Variants in PROC observed in about 807,000 individuals in gnomAD.
PROC encodes vitamin K-dependent protein C.
In PROC, 22 loss-of-function variants were observed where a neutral mutation model predicts 36.3. That is an observed-to-expected ratio of 0.61 (90% CI 0.43 to 0.86). The LOEUF is 0.86. Among genes scored for constraint, PROC ranks in the 40% least tolerant of loss-of-function variants. PROC has a pLI of 0.00. For synonymous variants in PROC, 218 were observed against 244.5 expected (o/e 0.89, Z 1.01); for missense variants, 526 against 629.7 (o/e 0.84, Z 1.76).
chr2:127,419,963 C>T lies in PROC; in HGVS notation c.21C>T (p.Leu7=). 1 of 1,613,916 alleles carries T rather than the reference C, an allele frequency of 6.2e-7. No individual in the cohort carries two copies. Among genetic ancestry groups the T allele is most frequent in the Non-Finnish European group, 8.5e-7 (1 of 1,180,010 alleles). MWQLTS[L]LLFVATWGIS... ...CCAGAATGTGGCAGCTCACAAGCCT[C>T]CTGCTGTTCGTGGCCACCTGGGGAA... The change falls in exon 2 of 9, where the codon CTC becomes CTT. Residue 7 remains leucine, a synonymous_variant. Coordinates refer to ENST00000234071, the MANE Select transcript of PROC (RefSeq NM_000312.4).
At chr2:127,422,847 C>T in intron 3 of PROC, 70 bp from the exon 4 acceptor site, 1 of 1,540,258 alleles carries the variant, frequency 6.5e-7, no homozygotes, top group African/African-American at 1.4e-5. Context: ...ACCCGCTGCC[C>T]TGCCCCACCC....
At chr2:127,421,990 G>A (rs1688123804) in intron 3 of PROC, among the ~76,000 whole-genome samples, 1 of 152,236 alleles carries the variant, frequency 6.6e-6, no homozygotes, top group Admixed American at 6.5e-5. Context: ...GCCCTAGGTA[G>A]TAGGGTGAGC....
At position 127,426,795 on chromosome 2, in the gene PROC, A is replaced by G. The variant is rs1031310924; in HGVS notation, c.679-310A>G. Among the ~76,000 whole-genome samples, 1 of 152,198 alleles carries G rather than the reference A, an allele frequency of 6.6e-6. No homozygotes were observed. Among genetic ancestry groups the G allele is most frequent in the Non-Finnish European group, 1.5e-5 (1 of 68,022 alleles). The stretch of plus-strand genomic sequence containing the variant: ...ACATCCAGGCAGCCTGGGGGCCACA[A>G]AGTCTTCCTGGAAGACACAAGGCCT... On this transcript the variant is annotated intron_variant, in intron 7 of 8. Transcript: ENST00000234071. The surrounding 1 kb of genome is among the most constrained non-coding windows in gnomAD (Gnocchi z 7.0).
rs368397770 is a variant in PROC at position 127,418,689 on chromosome 2, C to A, written c.-22+197C>A. Among the ~76,000 whole-genome samples the A allele has an allele frequency of 2.0e-5, 3 of 152,194 alleles. No homozygotes were observed. The highest frequency in any genetic ancestry group is 7.2e-5 in the African/African-American group (3 of 41,442). Reference sequence around the variant, plus strand: ...CTCAGGTCCCTTTGCCATGCGCCTCCCTCTTTCCAGGCCAAGGGTCCCCAG... The same window carrying A: ...CTCAGGTCCCTTTGCCATGCGCCTCACTCTTTCCAGGCCAAGGGTCCCCAG... On this transcript the variant is annotated intron_variant, in intron 1 of 8. Transcript: ENST00000234071. The surrounding 1 kb of genome is among the most constrained non-coding windows in gnomAD (Gnocchi z 4.8).
At position 127,426,857 on chromosome 2, in the gene PROC, G is replaced by C. The variant is rs980648106; in HGVS notation, c.679-248G>C. On this transcript the variant is annotated intron_variant, in intron 7 of 8. Transcript: ENST00000234071. The surrounding 1 kb of genome is among the most constrained non-coding windows in gnomAD (Gnocchi z 7.0). ...TAAGGATGAGAGGAGCTCGCTGGGC[G>C]ATGTTGGGTGTGGCTGAGGGTGACT... Among the ~76,000 whole-genome samples, 1 of 152,212 alleles carries C rather than the reference G, an allele frequency of 6.6e-6. No individual in the cohort carries two copies. The highest frequency in any genetic ancestry group is 6.5e-5 in the Admixed American group (1 of 15,280).
rs1688500967 is a variant in PROC at position 127,426,386 on chromosome 2, A to C, written c.678+159A>C. The C allele has an allele frequency of 9.0e-7, 1 of 1,113,440 alleles. No homozygotes were observed. Among genetic ancestry groups the C allele is most frequent in the South Asian group, 1.4e-5 (1 of 69,102 alleles). 69.0% of individuals were successfully genotyped at this position (1,113,440 alleles called of 1,614,324 possible). ...GGATGCTTCAGGGAAAGATGGACGC[A>C]ACCTGAGGGGAGAGGAGCAGCCAGG... On this transcript the variant is annotated intron_variant, in intron 7 of 8. Coordinates refer to ENST00000234071, the MANE Select transcript of PROC (RefSeq NM_000312.4). The surrounding 1 kb of genome is among the most constrained non-coding windows in gnomAD (Gnocchi z 7.0).
At chr2:127,425,243 C>T (rs1488949654) in intron 6 of PROC, among the ~76,000 whole-genome samples, 1 of 152,256 alleles carries the variant, frequency 6.6e-6, no homozygotes, top group Non-Finnish European at 1.5e-5. Context: ...GCTTTCCAGT[C>T]TGCCAAGTCA....
At chr2:127,421,583 G>A (rs1043984126) in intron 3 of PROC, 134 bp downstream of exon 3, 24 of 1,020,470 alleles carry the variant, frequency 2.4e-5, no homozygotes, top group Non-Finnish European at 3.6e-5. Flanking sequence ...GAGCGATTAG[G>A]ATGCTGGCCC....
At chr2:127,420,215 C>A (rs1470277807) in intron 2 of PROC, among the ~76,000 whole-genome samples, 3 of 152,216 alleles carry the variant, frequency 2.0e-5, no homozygotes, top group Non-Finnish European at 4.4e-5. Flanking sequence ...GGCAGGCATG[C>A]GTGATGGCAG....
chr2:127,419,782 G>T, intron 1 of PROC, 140 bp from the exon 2 acceptor site: 3 of 1,523,348 alleles, frequency 2.0e-6, no homozygotes, highest in East Asian at 2.5e-5. Context: ...TATGTCTCTA[G>T]CGAACAAGGA....
chr2:127,419,651 A>G, intron 1 of PROC: 1 of 602,858 alleles, frequency 1.7e-6, no homozygotes, highest in Admixed American at 3.2e-5. Flanking sequence ...CAGCCACCCC[A>G]CTGTCCCCAG....
intron 6 of PROC, chr2:127,423,762 G>A (rs929673123): frequency 9.9e-6 from 3 of 303,222 alleles, no homozygotes; most frequent in African/African-American, 6.5e-5. Flanking sequence ...CCTCCTCCAT[G>A]TAGCCTGGCT....
chr2:127,427,676 C>A (rs993195625), intron 8 of PROC, among the ~76,000 whole-genome samples: 2 of 152,204 alleles, frequency 1.3e-5, no homozygotes, highest in Admixed American at 6.5e-5. Flanking sequence ...AGGCTGGGGG[C>A]ACCTATGCAT....
At position 127,423,207 on chromosome 2, in the gene PROC, G is replaced by A. The variant is rs1387637487; in HGVS notation, c.400+36G>A. On this transcript the variant is annotated intron_variant, in intron 5 of 8. Coordinates refer to ENST00000234071, the MANE Select transcript of PROC (RefSeq NM_000312.4). ...GAGGTGGATGCTGGCGGGCGGCGGG[G>A]CGGGGCTGGGGCCGGGTTGGGGGCG... is the stretch of plus-strand genomic sequence containing the variant. 3 of 1,517,752 alleles carry A rather than the reference G, an allele frequency of 2.0e-6. No individual in the cohort carries two copies. In the Admixed American group the frequency reaches 6.4e-5, roughly 32 times the overall value. The allele number at this position is 1,517,752 out of a possible 1,614,324, so 94.0% of individuals were successfully genotyped here.
intron 1 of PROC, among the ~76,000 whole-genome samples, chr2:127,419,534 G>A (rs932679951): frequency 6.6e-6 from 1 of 152,196 alleles, no homozygotes; most frequent in South Asian, 2.1e-4. Flanking sequence ...GTGCAGTCTG[G>A]CTTCATGGCC....
intron 7 of PROC, 55 bp from the exon 8 acceptor site, chr2:127,427,050 G>T (rs1199952362): frequency 2.7e-6 from 4 of 1,477,352 alleles, no homozygotes; most frequent in Middle Eastern, 1.7e-4. Flanking sequence ...AGGTGCCCTG[G>T]ACTGGAGGCT....
chr2:127,425,760 G>A (rs1688451822), intron 6 of PROC, among the ~76,000 whole-genome samples: 1 of 147,664 alleles, frequency 6.8e-6, no homozygotes, highest in Non-Finnish European at 1.5e-5. Flanking sequence ...TTTGTAATTT[G>A]TATCTCAGGG....
chr2:127,429,062 G>A lies in PROC; in HGVS notation c.*116G>A. ...TTCCATCCCTCTTTTGGGCTCTTCTGGAGGGAAGTAACATTTACTGAGCAC... is the reference window on the plus strand; with the variant it reads ...TTCCATCCCTCTTTTGGGCTCTTCTAGAGGGAAGTAACATTTACTGAGCAC... On this transcript the variant is annotated 3_prime_UTR_variant, in exon 9 of 9. Transcript: ENST00000234071. 1 of 1,188,862 alleles carries A rather than the reference G, an allele frequency of 8.4e-7. No individual in the cohort carries two copies. The highest frequency in any genetic ancestry group is 1.3e-5 in the South Asian group (1 of 77,848). 73.6% of individuals were successfully genotyped at this position (1,188,862 alleles called of 1,614,324 possible).
Position 127,428,347 on chromosome 2 carries a change from T to G in PROC, c.797-10T>G. ...CGCAGCCCACTCTGACTGTGCCCTC[T>G]GCCCTGCAGGAGAGTATGACCTGCG... is the stretch of plus-strand genomic sequence containing the variant. On this transcript the variant is annotated splice_polypyrimidine_tract_variant and intron_variant, in intron 8 of 8. Coordinates refer to ENST00000234071, the MANE Select transcript of PROC (RefSeq NM_000312.4). 6.2e-7 allele frequency: 1 copy of G among 1,613,484 alleles called. No individual in the cohort carries two copies. Among genetic ancestry groups the G allele is most frequent in the Non-Finnish European group, 8.5e-7 (1 of 1,179,856 alleles).
Sources: allele counts gnomAD v4.1 joint callset (sites outside exome capture counted in the v4.1 genomes callset), GRCh38; gene constraint gnomAD v4.1.1; non-coding constraint Gnocchi (gnomAD v3.1); transcripts MANE v1.5; gene names NCBI Gene and HGNC (gene_info 2026-07-23, HGNC 2026-07-21).